AMMECR1L: variants seen among roughly 807,000 people sequenced by gnomAD.
AMMECR1L encodes the protein AMMECR1-like protein.
In AMMECR1L, 4 loss-of-function variants were observed where a neutral mutation model predicts 36.8. The observed-to-expected ratio is 0.11, with a 90% CI of 0.05 to 0.25. The LOEUF (loss-of-function observed/expected upper bound fraction) is 0.25, where lower values mean the gene tolerates loss of function less well. Among genes scored for constraint, AMMECR1L ranks in the 10% least tolerant of loss-of-function variants. The pLI is 1.00. For missense variants in AMMECR1L, 232 were observed against 392.1 expected (o/e 0.59, Z 3.45); for synonymous variants, 147 against 148.0 (o/e 0.99, Z 0.05).
In AMMECR1L at chr2:127,873,367, A is replaced by G. The variant is rs1485991946; in HGVS notation, c.407+461T>C. 2 of 985,306 alleles carry G rather than the reference A, an allele frequency of 2.0e-6. No homozygotes were observed. The highest frequency in any genetic ancestry group is 2.4e-6 in the Non-Finnish European group (2 of 829,948). 61.0% of individuals were successfully genotyped at this position (985,306 alleles called of 1,614,324 possible). ...AGTGGCCCTACAGGTTTACCAAGGG[A>G]TTTCTCATGAACAAAGTGAGGGGAC... is the stretch of plus-strand genomic sequence containing the variant. On this transcript the variant is annotated intron_variant, in intron 3 of 7. Transcript: ENST00000272647. This position sits in a 1 kb window ranked among gnomAD's most constrained non-coding sequence, Gnocchi z 5.2.
In AMMECR1L at chr2:127,870,719, T is replaced by C. The variant is rs1241093320; in HGVS notation, c.633+95A>G. On this transcript the variant is annotated intron_variant, in intron 5 of 7. Coordinates refer to ENST00000272647, the MANE Select transcript of AMMECR1L (RefSeq NM_001199140.2). ...TCCAAACTCAGCCTTCACATTCTTA[T>C]ACCCTTTCTCTCAATGAAGGAGATA... 3.2e-6 allele frequency: 3 copies of C among 948,248 alleles called. 1 individual carries two copies. Among genetic ancestry groups the C allele is most frequent in the Non-Finnish European group, 1.6e-6 (1 of 636,362 alleles). The allele number at this position is 948,248 out of a possible 1,614,324, so 58.7% of individuals were successfully genotyped here. A position where few individuals can be genotyped will look rare whatever the true frequency, so the allele number is the denominator to read the frequency against.
chr2:127,880,885 G>A (rs1032704300), intron 2 of AMMECR1L, among the ~76,000 whole-genome samples: 3 of 152,098 alleles, frequency 2.0e-5, no homozygotes, highest in Non-Finnish European at 2.9e-5. Context: ...ACCTGAGGAT[G>A]ACTGAATTAC....
rs2104735940 is a variant in AMMECR1L at position 127,862,801 on chromosome 2, C to G, written c.*2293G>C. On this transcript the variant is annotated 3_prime_UTR_variant, in exon 8 of 8. Coordinates refer to ENST00000272647, the MANE Select transcript of AMMECR1L (RefSeq NM_001199140.2). ...TTCTTGTGCACTGATTTTTTTTTCC[C>G]CATTTCTCGGGTTTTAAAATTTTCT... The G allele has an allele frequency of 6.6e-6, 1 of 152,338 alleles. No homozygotes were observed. Among genetic ancestry groups the G allele is most frequent in the Middle Eastern group, 3.4e-3 (1 of 294 alleles). 9.4% of individuals were successfully genotyped at this position (152,338 alleles called of 1,614,324 possible).
In AMMECR1L at chr2:127,869,621, A is replaced by G; in HGVS notation, c.634-77T>C. 1.6e-6 allele frequency: 2 copies of G among 1,228,528 alleles called. No individual in the cohort carries two copies. The highest frequency in any genetic ancestry group is 1.5e-5 in the African/African-American group (1 of 67,124). The allele number at this position is 1,228,528 out of a possible 1,614,324, so 76.1% of individuals were successfully genotyped here. ...CTTCAGTCCCCACATATAAATCAAC[A>G]TTGTTCCCTGACCAGCTTAACACAG... On this transcript the variant is annotated intron_variant, in intron 5 of 7. Transcript: ENST00000272647. This position sits in a 1 kb window ranked among gnomAD's most constrained non-coding sequence, Gnocchi z 4.7.
At chr2:127,872,978 T>G (rs1057368912) in intron 3 of AMMECR1L, 5 of 983,638 alleles carry the variant, frequency 5.1e-6, no homozygotes, top group African/African-American at 1.7e-5. Flanking sequence ...CGTGTGTGAT[T>G]TGCCAACCTG....
Position 127,865,027 on chromosome 2 carries a change from A to T in AMMECR1L, c.*67T>A. On this transcript the variant is annotated 3_prime_UTR_variant, in exon 8 of 8. Coordinates refer to ENST00000272647, the MANE Select transcript of AMMECR1L (RefSeq NM_001199140.2). The surrounding 1 kb of genome is among the most constrained non-coding windows in gnomAD (Gnocchi z 5.4). The stretch of plus-strand genomic sequence containing the variant: ...AGTAACTGGACCAGGAAGAGGAGGC[A>T]TCTGCTCCAATGATGTCATAGCCAT... The T allele has an allele frequency of 9.4e-7, 1 of 1,068,382 alleles. No individual in the cohort carries two copies. 66.2% of individuals were successfully genotyped at this position (1,068,382 alleles called of 1,614,324 possible). A position where few individuals can be genotyped will look rare whatever the true frequency, so the allele number is the denominator to read the frequency against.
chr2:127,866,488 T>C (rs554395806), intron 7 of AMMECR1L, among the ~76,000 whole-genome samples: 2 of 152,366 alleles, frequency 1.3e-5, no homozygotes, highest in African/African-American at 2.4e-5. Flanking sequence ...AGGCATTTCC[T>C]TTTAACTTTT....
chr2:127,878,631 G>A (rs7566370), intron 2 of AMMECR1L, among the ~76,000 whole-genome samples: 13,448 of 152,198 alleles, frequency 0.088, 1,602 homozygotes, highest in African/African-American at 0.26. Context: ...AAGTCCAGAA[G>A]ATTCTGCCTA....
intron 7 of AMMECR1L, among the ~76,000 whole-genome samples, chr2:127,866,455 T>C (rs1446163984): frequency 6.6e-6 from 1 of 152,370 alleles, no homozygotes; most frequent in Non-Finnish European, 1.5e-5. Context: ...AGCCTCCTCC[T>C]AGAAGTATTC....
intron 7 of AMMECR1L, among the ~76,000 whole-genome samples, chr2:127,866,332 T>A (rs1026885043): frequency 6.6e-6 from 1 of 152,146 alleles, no homozygotes; most frequent in African/African-American, 2.4e-5. Context: ...ATTCACATCT[T>A]ACAGACAGGG....
rs1690882608 is a variant in AMMECR1L, at chr2:127,869,945, C to T, written c.634-401G>A. Among the ~76,000 whole-genome samples the T allele has an allele frequency of 6.6e-6, 1 of 152,184 alleles. No individual in the cohort carries two copies. Among genetic ancestry groups the T allele is most frequent in the Non-Finnish European group, 1.5e-5 (1 of 68,036 alleles). On this transcript the variant is annotated intron_variant, in intron 5 of 7. Coordinates refer to ENST00000272647, the MANE Select transcript of AMMECR1L (RefSeq NM_001199140.2). The surrounding 1 kb of genome is among the most constrained non-coding windows in gnomAD (Gnocchi z 4.7). ...AGGCGCGGTGGCTCATGCCTGTAAT[C>T]CCAACAATTTGGGAGGCCAAGGCCG...
Position 127,869,405 on chromosome 2 carries a change from C to T in AMMECR1L, c.724+49G>A. 1 of 1,540,252 alleles carries T rather than the reference C, an allele frequency of 6.5e-7. No homozygotes were observed. Among genetic ancestry groups the T allele is most frequent in the Non-Finnish European group, 9.0e-7 (1 of 1,113,002 alleles). On this transcript the variant is annotated intron_variant, in intron 6 of 7. Transcript: ENST00000272647. The surrounding 1 kb of genome is among the most constrained non-coding windows in gnomAD (Gnocchi z 4.7). ...CTTCACTTTCTTGCCCTTTAACTGG[C>T]ACCACTGTGAATGATACTTGTCATT...
At chr2:127,884,546 G>C (rs1305545890) in intron 1 of AMMECR1L, among the ~76,000 whole-genome samples, 3 of 152,154 alleles carry the variant, frequency 2.0e-5, no homozygotes, top group Non-Finnish European at 2.9e-5. Context: ...AGCAAGAAGG[G>C]AGGACACTGA....
At position 127,874,925 on chromosome 2, in the gene AMMECR1L, T is replaced by C. The variant is rs1016678323; in HGVS notation, c.-38-653A>G. ...TCCCCTCTGAACTCACTCCAATTTC[T>C]ATACATCTCCCTATCCTTTCAAGAC... On this transcript the variant is annotated intron_variant, in intron 2 of 7. Transcript: ENST00000272647. The surrounding 1 kb of genome is among the most constrained non-coding windows in gnomAD (Gnocchi z 5.2). Among the ~76,000 whole-genome samples, 16 of 152,208 alleles carry C rather than the reference T, an allele frequency of 1.1e-4. No individual in the cohort carries two copies. The highest frequency in any genetic ancestry group is 1.6e-4 in the Non-Finnish European group (11 of 68,044).
In AMMECR1L at chr2:127,874,006, T is replaced by C; in HGVS notation, c.229A>G (p.Thr77Ala). Reference sequence around the variant, plus strand: ...GCTCCCGATGCGGGATTCATTCGTGTGATGGGAGAGTTTCCAGGTCCCAGA... The same window carrying C: ...GCTCCCGATGCGGGATTCATTCGTGCGATGGGAGAGTTTCCAGGTCCCAGA... ...LTLGPGNSPI[T>A]RMNPASGALS... Residue 77 changes from threonine (T) to alanine (A), a missense_variant, in exon 3 of 8, where the codon ACA becomes GCA. Coordinates refer to ENST00000272647, the MANE Select transcript of AMMECR1L (RefSeq NM_001199140.2). The surrounding 1 kb of genome is among the most constrained non-coding windows in gnomAD (Gnocchi z 5.2). The C allele has an allele frequency of 1.2e-6, 2 of 1,614,242 alleles. No individual in the cohort carries two copies. The highest frequency in any genetic ancestry group is 1.7e-6 in the Non-Finnish European group (2 of 1,180,044).
intron 2 of AMMECR1L, among the ~76,000 whole-genome samples, chr2:127,875,955 A>G (rs1273254652): frequency 2.0e-5 from 3 of 150,402 alleles, no homozygotes; most frequent in African/African-American, 7.3e-5. Flanking sequence ...CACTATGCCC[A>G]GCTATCTTTT....
chr2:127,871,919 T>A lies in AMMECR1L; in HGVS notation c.408-560A>T, dbSNP rs887633673. Among the ~76,000 whole-genome samples the A allele has an allele frequency of 6.6e-6, 1 of 152,178 alleles. No individual in the cohort carries two copies. Among genetic ancestry groups the A allele is most frequent in the Non-Finnish European group, 1.5e-5 (1 of 68,034 alleles). Reference sequence around the variant, plus strand: ...AAAGATTTAAAAAGGCCGGGTGCAGTGGCTCATGCCTGTAATCCCAGCACT... The same window carrying A: ...AAAGATTTAAAAAGGCCGGGTGCAGAGGCTCATGCCTGTAATCCCAGCACT... On this transcript the variant is annotated intron_variant, in intron 3 of 7. Coordinates refer to ENST00000272647, the MANE Select transcript of AMMECR1L (RefSeq NM_001199140.2). The surrounding 1 kb of genome is among the most constrained non-coding windows in gnomAD (Gnocchi z 4.3).
chr2:127,875,020 T>C (rs1195225088), intron 2 of AMMECR1L, among the ~76,000 whole-genome samples: 1 of 152,220 alleles, frequency 6.6e-6, no homozygotes, highest in Non-Finnish European at 1.5e-5. Flanking sequence ...CACAGCCCTT[T>C]TGTGAGGTGG....
chr2:127,868,486 C>G (rs1260748811), intron 6 of AMMECR1L, among the ~76,000 whole-genome samples: 6 of 152,194 alleles, frequency 3.9e-5, no homozygotes, highest in African/African-American at 1.4e-4. Context: ...TCCATGTTTG[C>G]TCATGATATA....
Sources: gnomAD v4.1 joint callset for allele counts (sites outside exome capture counted in the v4.1 genomes callset) on GRCh38, gnomAD v4.1.1 for gene constraint, Gnocchi (gnomAD v3.1) non-coding constraint, MANE v1.5 for transcripts, NCBI Gene and HGNC (gene_info 2026-07-23, HGNC 2026-07-21) for gene names.